The following TCF12 variants were observed in gnomAD, a reference collection of about 807,000 sequenced individuals.
TCF12 encodes DNA-binding protein HTF4.
Under a neutral mutation model 86.0 loss-of-function variants are expected in TCF12, and 45 were observed. The observed-to-expected ratio is 0.52, with a 90% confidence interval of 0.41 to 0.67. The LOEUF is 0.67. Ranked by LOEUF, TCF12 falls within the 30% of genes least tolerant of loss-of-function variation. The probability of loss-of-function intolerance (pLI) is 0.00; values close to 1 mark genes in which losing one functional copy is unlikely to be tolerated. For synonymous variants in TCF12, 330 were observed against 299.6 expected (o/e 1.10, Z -1.05); for missense variants, 881 against 859.9 (o/e 1.02, Z -0.31).
At chr15:57,086,313 T>C (rs1343313903) in intron 4 of TCF12, among the ~76,000 whole-genome samples, 1 of 151,520 alleles carries the variant, frequency 6.6e-6, no homozygotes, top group Non-Finnish European at 1.5e-5. Flanking sequence ...TATTTACTTA[T>C]TTAATCCTTT....
chr15:57,115,315 A>G (rs1172117285), intron 5 of TCF12, among the ~76,000 whole-genome samples: 2 of 152,236 alleles, frequency 1.3e-5, no homozygotes, highest in African/African-American at 4.8e-5. Context: ...AGTGTATTTT[A>G]GTCCTGATGT....
chr15:57,014,028 T>G (rs2064998451), intron 3 of TCF12, among the ~76,000 whole-genome samples: 1 of 152,192 alleles, frequency 6.6e-6, no homozygotes, highest in African/African-American at 2.4e-5. Context: ...TTCAGACTTG[T>G]GGCTCCTGCC....
chr15:57,109,798 A>T (rs1670246587), intron 5 of TCF12, among the ~76,000 whole-genome samples: 1 of 152,206 alleles, frequency 6.6e-6, no homozygotes, highest in Non-Finnish European at 1.5e-5. Context: ...TATCTGAATC[A>T]TTTATATATT....
intron 18 of TCF12, among the ~76,000 whole-genome samples, chr15:57,270,310 T>A (rs1200630023): frequency 6.6e-6 from 1 of 152,230 alleles, no homozygotes; most frequent in Non-Finnish European, 1.5e-5. Flanking sequence ...ATTAATTTGA[T>A]CTTCAATCAC....
At chr15:57,280,133 G>A (rs572885393) in intron 19 of TCF12, among the ~76,000 whole-genome samples, 2 of 151,974 alleles carry the variant, frequency 1.3e-5, no homozygotes, top group East Asian at 1.9e-4. Flanking sequence ...CAGGTGATCC[G>A]CCTGTTTCGG....
intron 5 of TCF12, among the ~76,000 whole-genome samples, chr15:57,138,729 T>A (rs552269538): frequency 6.6e-6 from 1 of 152,332 alleles, no homozygotes; most frequent in Admixed American, 6.5e-5. Context: ...AGAAGAGGCC[T>A]AACTATGTTT....
chr15:57,221,737 A>G (rs1241388800), intron 8 of TCF12, among the ~76,000 whole-genome samples: 11 of 152,102 alleles, frequency 7.2e-5, no homozygotes, highest in Non-Finnish European at 1.6e-4. Flanking sequence ...CTAGACTTGT[A>G]TGTATTTTAT....
chr15:57,184,144 CAAAA>C (rs567127840), intron 6 of TCF12, among the ~76,000 whole-genome samples: 2 of 139,474 alleles, frequency 1.4e-5, no homozygotes, highest in Non-Finnish European at 3.1e-5. Context: ...GATTAGCAGC[CAAAA>C]AAAAAAAAGT....
At chr15:57,004,056 C>T (rs2064202797) in intron 3 of TCF12, among the ~76,000 whole-genome samples, 1 of 151,076 alleles carries the variant, frequency 6.6e-6, no homozygotes, top group East Asian at 1.9e-4. Flanking sequence ...GTTTTTTTTT[C>T]CTCAGTGATG....
intron 5 of TCF12, among the ~76,000 whole-genome samples, chr15:57,093,152 G>A (rs1199661025): frequency 6.6e-6 from 1 of 152,044 alleles, no homozygotes; most frequent in Non-Finnish European, 1.5e-5. Context: ...GAAAATCATG[G>A]TATTATATGT....
chr15:56,967,516 G>A (rs1313818371), intron 3 of TCF12, among the ~76,000 whole-genome samples: 2 of 152,130 alleles, frequency 1.3e-5, no homozygotes, highest in Non-Finnish European at 2.9e-5. Context: ...TTGTGTATCT[G>A]TTTAATTCAT....
upstream of TCF12, chr15:56,918,382 G>T: frequency 2.7e-6 from 1 of 375,714 alleles, no homozygotes; most frequent in East Asian, 8.3e-5. Context: ...CTCCCAGGAG[G>T]CCCGGACGAG....
intron 4 of TCF12, among the ~76,000 whole-genome samples, chr15:57,075,835 T>TTTCTCTCTTTTCTTTCTTTCTTTC (rs1555498796): frequency 6.0e-5 from 3 of 50,020 alleles, no homozygotes; most frequent in South Asian, 8.6e-4. Flanking sequence ...TCTCTCTCTC[T>TTTCTCTCTTTTCTTTCTTTCTTTC]TTTCTTTCTT....
chr15:56,974,068 C>T (rs1169344714), intron 3 of TCF12, among the ~76,000 whole-genome samples: 1 of 152,134 alleles, frequency 6.6e-6, no homozygotes, highest in South Asian at 2.1e-4. Context: ...CTTTTCTTTT[C>T]CTGTGAAGGA....
chr15:56,920,459 G>T (rs182621168), intron 2 of TCF12, among the ~76,000 whole-genome samples: 1 of 146,996 alleles, frequency 6.8e-6, no homozygotes, highest in African/African-American at 2.6e-5. Context: ...TTCTGAAACA[G>T]AGTACTTTTA....
intron 3 of TCF12, among the ~76,000 whole-genome samples, chr15:57,014,886 A>G (rs199788172): frequency 1.0e-4 from 11 of 106,776 alleles, no homozygotes; most frequent in African/African-American, 4.3e-4. Flanking sequence ...TATTATTATT[A>G]TTATTATTGT....
At position 57,177,608 on chromosome 15, in the gene TCF12, C is replaced by G. The variant is rs369872424; in HGVS notation, c.390+11142C>G. 1.7e-3 allele frequency among the ~76,000 whole-genome samples: 212 copies of G among 122,986 alleles called. 4 individuals are homozygous for G. Among genetic ancestry groups the G allele is most frequent in the African/African-American group, 4.5e-3 (146 of 32,370 alleles). The allele number at this position is 122,986 out of a possible 152,430, so 80.7% of individuals were successfully genotyped here. ...TAATGTCCTATTTTTGTTAAAAGGC[C>G]AGAGAGAGAGAGAGAGAGAGAGAGA... is the stretch of plus-strand genomic sequence containing the variant. On this transcript the variant is annotated intron_variant, in intron 6 of 20. Coordinates refer to ENST00000333725, the MANE Select transcript of TCF12 (RefSeq NM_207037.2).
chr15:57,098,252 T>A (rs1236500646), intron 5 of TCF12, among the ~76,000 whole-genome samples: 2 of 152,136 alleles, frequency 1.3e-5, no homozygotes. Flanking sequence ...TGATTCTGAC[T>A]AGCTCACAGT....
intron 5 of TCF12, among the ~76,000 whole-genome samples, chr15:57,099,231 T>G (rs2049553494): frequency 1.3e-5 from 2 of 152,308 alleles, no homozygotes; most frequent in South Asian, 4.1e-4. Context: ...CTGAAGCTGT[T>G]TCTGTGAGCC....
Sources: allele counts gnomAD v4.1 joint callset (sites outside exome capture counted in the v4.1 genomes callset), GRCh38; gene constraint gnomAD v4.1.1; transcripts MANE v1.5; gene names NCBI Gene and HGNC (gene_info 2026-07-23, HGNC 2026-07-21).